Variants in SUSD1 observed in about 807,000 individuals in gnomAD.
SUSD1 encodes the protein sushi domain containing 1.
A neutral mutation model predicts 86.9 loss-of-function variants in SUSD1; 65 were observed. The ratio of observed to expected loss-of-function variants is 0.75; its 90% CI spans 0.61 to 0.92. SUSD1 has a LOEUF of 0.92. Ranked by LOEUF, SUSD1 falls within the 40% of genes least tolerant of loss-of-function variation. The pLI, the probability that SUSD1 is intolerant of heterozygous loss-of-function variation, is 0.00. For synonymous variants in SUSD1, 346 were observed against 350.0 expected (o/e 0.99, Z 0.13); for missense variants, 850 against 929.7 (o/e 0.91, Z 1.11).
intron 12 of SUSD1, among the ~76,000 whole-genome samples, chr9:112,071,609 C>T (rs1485290216): frequency 1.3e-5 from 2 of 152,080 alleles, no homozygotes; most frequent in African/African-American, 4.8e-5. Flanking sequence ...TAAAATGTCT[C>T]TATGTAAAAC....
chr9:112,049,657 G>T (rs183565823), intron 15 of SUSD1, among the ~76,000 whole-genome samples: 22 of 152,322 alleles, frequency 1.4e-4, no homozygotes, highest in African/African-American at 5.1e-4. Context: ...TTAGATCTCG[G>T]TTCTCTGCAA....
At chr9:112,103,327 C>T (rs542740967) in intron 8 of SUSD1, among the ~76,000 whole-genome samples, 38 of 152,184 alleles carry the variant, frequency 2.5e-4, no homozygotes, top group Non-Finnish European at 5.1e-4. Flanking sequence ...AATTTGAAGA[C>T]CTATCATATG....
intron 2 of SUSD1, among the ~76,000 whole-genome samples, chr9:112,150,559 T>A (rs1385802294): frequency 2.0e-5 from 3 of 152,226 alleles, no homozygotes; most frequent in Non-Finnish European, 2.9e-5. Flanking sequence ...TGGGGACACA[T>A]ACTGAGGATT....
chr9:112,138,223 CAA>C (rs1192532172), intron 5 of SUSD1, among the ~76,000 whole-genome samples: 1 of 3,940 alleles, frequency 2.5e-4, no homozygotes, highest in African/African-American at 1.2e-3. Flanking sequence ...GACTCCATCT[CAA>C]AAAAAAAATG....
chr9:112,064,818 G>A (rs957164628), intron 12 of SUSD1, among the ~76,000 whole-genome samples: 3 of 150,362 alleles, frequency 2.0e-5, no homozygotes, highest in Non-Finnish European at 4.4e-5. Flanking sequence ...AGAGGTTGCA[G>A]TGAGCCAAGA....
At chr9:112,088,341 T>G (rs548350257) in intron 10 of SUSD1, among the ~76,000 whole-genome samples, 20 of 152,342 alleles carry the variant, frequency 1.3e-4, no homozygotes, top group African/African-American at 3.6e-4. Flanking sequence ...AAGAGTGATA[T>G]ATAAATGCTA....
At chr9:112,141,730 T>C (rs71503508) in intron 5 of SUSD1, among the ~76,000 whole-genome samples, 15,536 of 133,988 alleles carry the variant, frequency 0.12, 1,083 homozygotes, top group East Asian at 0.2. Flanking sequence ...TAATGTATTA[T>C]ATATAATATA....
intron 8 of SUSD1, among the ~76,000 whole-genome samples, chr9:112,108,960 C>A (rs1005333694): frequency 1.3e-5 from 2 of 151,924 alleles, no homozygotes; most frequent in South Asian, 4.1e-4. Flanking sequence ...CAACCCAAAC[C>A]AATCAACCTC....
chr9:112,149,431 C>T (rs752934747), intron 2 of SUSD1, 32 bp from the exon 3 acceptor site: 2 of 1,608,140 alleles, frequency 1.2e-6, no homozygotes, highest in Admixed American at 1.7e-5. Context: ...ACCGGAAGAG[C>T]TATCAATCCA....
intron 12 of SUSD1, among the ~76,000 whole-genome samples, chr9:112,073,555 A>T (rs1417793460): frequency 7.7e-6 from 1 of 129,720 alleles, no homozygotes; most frequent in Non-Finnish European, 1.5e-5. Flanking sequence ...CTCTCTATAT[A>T]AGAAAATGTT....
chr9:112,123,586 G>A (rs887748141), intron 6 of SUSD1, among the ~76,000 whole-genome samples: 1 of 152,114 alleles, frequency 6.6e-6, no homozygotes, highest in African/African-American at 2.4e-5. Flanking sequence ...GATCACTTGA[G>A]ACCTGGAGTT....
chr9:112,069,173 C>A (rs1310126593), intron 12 of SUSD1, among the ~76,000 whole-genome samples: 1 of 152,088 alleles, frequency 6.6e-6, no homozygotes, highest in Admixed American at 6.6e-5. Context: ...GAAACCCAGG[C>A]TCTAAGACCA....
At chr9:112,131,467 C>T (rs1832030990) in intron 5 of SUSD1, among the ~76,000 whole-genome samples, 1 of 152,166 alleles carries the variant, frequency 6.6e-6, no homozygotes, top group Non-Finnish European at 1.5e-5. Context: ...CTATGTATGA[C>T]ATTATAGTCT....
intron 1 of SUSD1, among the ~76,000 whole-genome samples, chr9:112,165,921 G>A (rs1363578779): frequency 0.1 from 6,681 of 64,152 alleles, 353 homozygotes; most frequent in African/African-American, 0.13. Flanking sequence ...AAGGAAGAAA[G>A]AAAAGAAAGA....
intron 1 of SUSD1, among the ~76,000 whole-genome samples, chr9:112,165,291 CT>C (rs1421367402): frequency 6.6e-6 from 1 of 151,786 alleles, no homozygotes; most frequent in Non-Finnish European, 1.5e-5. Context: ...TATTTATCCT[CT>C]GTATTATAAA....
intron 10 of SUSD1, among the ~76,000 whole-genome samples, chr9:112,089,612 G>GAAC (rs1830117958): frequency 6.6e-6 from 1 of 152,102 alleles, no homozygotes; most frequent in African/African-American, 2.4e-5. Flanking sequence ...CTGAGGTCAG[G>GAAC]AACAGCCTGA....
chr9:112,075,724 G>A (rs1041851839), intron 12 of SUSD1, among the ~76,000 whole-genome samples: 1 of 152,192 alleles, frequency 6.6e-6, no homozygotes, highest in Non-Finnish European at 1.5e-5. Context: ...CAGCCTGGGT[G>A]ACAGAGTGAG....
At chr9:112,042,273 C>T in intron 15 of SUSD1, 1 of 918,800 alleles carries the variant, frequency 1.1e-6, no homozygotes, top group Non-Finnish European at 1.6e-6. Context: ...TTTGTTGGTC[C>T]TCTCACAATC....
chr9:112,066,621 C>G (rs147787819), intron 12 of SUSD1, among the ~76,000 whole-genome samples: 1 of 152,254 alleles, frequency 6.6e-6, no homozygotes, highest in East Asian at 1.9e-4. Flanking sequence ...AGATGGGACA[C>G]CTTGTGCCTG....
Sources: gnomAD v4.1 joint callset for allele counts (sites outside exome capture counted in the v4.1 genomes callset) on GRCh38, gnomAD v4.1.1 for gene constraint, MANE v1.5 for transcripts, NCBI Gene and HGNC (gene_info 2026-07-23, HGNC 2026-07-21) for gene names.